THAP3: variants seen among roughly 807,000 people sequenced by gnomAD.
THAP3 encodes THAP domain-containing protein 3.
In THAP3, 12 loss-of-function variants were observed where a neutral mutation model predicts 17.7. The observed-to-expected ratio is 0.68, with a 90% CI of 0.43 to 1.10. The LOEUF is 1.10. Among genes scored for constraint, THAP3 ranks in the 50% least tolerant of loss-of-function variants. THAP3 has a pLI of 0.00. For missense variants in THAP3, 289 were observed against 318.0 expected, an observed-to-expected ratio of 0.91 and a Z score of 0.69; for synonymous variants, 133 against 126.9, an observed-to-expected ratio of 1.05 and a Z score of -0.32.
At chr1:6,625,789 C>T (rs1360714476) in intron 2 of THAP3, among the ~76,000 whole-genome samples, 2 of 152,018 alleles carry the variant, frequency 1.3e-5, no homozygotes, top group Non-Finnish European at 2.9e-5. Context: ...CGTCATTAGT[C>T]ACAGTTGCGC....
intron 2 of THAP3, chr1:6,628,217 G>A (rs1043139257): frequency 4.2e-5 from 17 of 400,628 alleles, no homozygotes; most frequent in Non-Finnish European, 5.4e-5. Flanking sequence ...TCCCTAGCAC[G>A]AAGAACAGGG....
intron 2 of THAP3, among the ~76,000 whole-genome samples, chr1:6,626,501 A>G (rs1641473782): frequency 6.6e-6 from 1 of 152,196 alleles, no homozygotes; most frequent in Non-Finnish European, 1.5e-5. Flanking sequence ...TTGTTCTACA[A>G]TTGAAGGGCA....
downstream of THAP3, chr1:6,634,130 C>G (rs752739023): frequency 1.3e-6 from 2 of 1,558,426 alleles, no homozygotes; most frequent in Non-Finnish European, 8.8e-7. Flanking sequence ...TCCCTCCCTC[C>G]TGAAGATGAA....
At chr1:6,628,405 G>A in intron 2 of THAP3, 94 bp from the exon 3 acceptor site, 3 of 1,011,214 alleles carry the variant, frequency 3.0e-6, no homozygotes, top group Non-Finnish European at 4.3e-6. Context: ...CAGCTGTCCA[G>A]GGAAGTACTC....
chr1:6,632,882 A>G lies in THAP3; in HGVS notation c.525A>G (p.Pro175=). 6.2e-7 allele frequency: 1 copy of G among 1,612,964 alleles called. No individual in the cohort carries two copies. The change falls in exon 6 of 6, where the codon CCA becomes CCG. Residue 175 remains proline (P), a synonymous_variant. Transcript: ENST00000054650. ...AGLRRTPNKQ[P]SDHSYALLDL... is the part of the protein sequence containing the mutation. ...TGAGAAGGACCCCCAACAAGCAGCC[A>G]TCTGATCACAGCTATGCCCTTTTGG... is the stretch of plus-strand genomic sequence containing the variant.
Position 6,633,455 on chromosome 1 carries a change from G to C in THAP3, c.*378G>C. ...TGTGAGGGGGCTGGCTCTGTGGCGG[G>C]TGAGTGGTCCCCTCCTCCATCAGCC... On this transcript the variant is annotated 3_prime_UTR_variant, in exon 6 of 6. Coordinates refer to ENST00000054650, the MANE Select transcript of THAP3 (RefSeq NM_001195753.2). 1 of 1,152,202 alleles carries C rather than the reference G, an allele frequency of 8.7e-7. No homozygotes were observed. The highest frequency in any genetic ancestry group is 1.1e-6 in the Non-Finnish European group (1 of 929,220). 71.4% of individuals were successfully genotyped at this position (1,152,202 alleles called of 1,614,324 possible).
intron 2 of THAP3, chr1:6,628,125 G>A (rs1258099738): frequency 2.0e-5 from 4 of 201,896 alleles, no homozygotes; most frequent in Admixed American, 1.1e-4. Context: ...AGAAGACACC[G>A]TCCACATCTG....
chr1:6,632,779 C>G lies in THAP3; in HGVS notation c.439-17C>G. ...TGCTGGTGATGCAGCTCTAGGCTCT[C>G]ACTCCCCTGTCCTCAGGTCTCGCCA... On this transcript the variant is annotated splice_polypyrimidine_tract_variant and intron_variant, in intron 5 of 5. Transcript: ENST00000054650. The G allele has an allele frequency of 6.2e-7, 1 of 1,612,462 alleles. No individual in the cohort carries two copies. Among genetic ancestry groups the G allele is most frequent in the South Asian group, 1.1e-5 (1 of 91,022 alleles).
chr1:6,630,643 C>T (rs963762826), intron 4 of THAP3, among the ~76,000 whole-genome samples: 1 of 152,076 alleles, frequency 6.6e-6, no homozygotes, highest in Non-Finnish European at 1.5e-5. Flanking sequence ...GGCATGATCT[C>T]GGCGCACTGC....
chr1:6,626,590 C>T (rs1041422089), intron 2 of THAP3, among the ~76,000 whole-genome samples: 2 of 152,248 alleles, frequency 1.3e-5, no homozygotes, highest in African/African-American at 4.8e-5. Context: ...GTAATCCCAG[C>T]ACTTTGGGAG....
chr1:6,631,652 C>T (rs1219038263), intron 4 of THAP3, among the ~76,000 whole-genome samples: 1 of 152,074 alleles, frequency 6.6e-6, no homozygotes, highest in Non-Finnish European at 1.5e-5. Flanking sequence ...CACCTGTAAT[C>T]CTAGCACTTT....
At chr1:6,627,012 T>C (rs187203447) in intron 2 of THAP3, among the ~76,000 whole-genome samples, 81 of 152,366 alleles carry the variant, frequency 5.3e-4, no homozygotes, top group African/African-American at 1.5e-3. Context: ...GTCACATCAC[T>C]AGTGAGCCTT....
chr1:6,631,866 G>C (rs767367130), intron 4 of THAP3, among the ~76,000 whole-genome samples: 35 of 151,720 alleles, frequency 2.3e-4, no homozygotes, highest in Non-Finnish European at 4.0e-4. Flanking sequence ...CAGCCTGGGT[G>C]AAAGAGTGAA....
At position 6,633,089 on chromosome 1, in the gene THAP3, T is replaced by C. The variant is rs1641673339; in HGVS notation, c.*12T>C. On this transcript the variant is annotated 3_prime_UTR_variant, in exon 6 of 6. Transcript: ENST00000054650. ...AGCAGCAGAGCTGAGCCCCACAGGC[T>C]CCGGACGCAGAGGTGGCAGTGGCAC... 1.3e-6 allele frequency: 2 copies of C among 1,586,124 alleles called. No homozygotes were observed. Among genetic ancestry groups the C allele is most frequent in the Non-Finnish European group, 1.7e-6 (2 of 1,167,288 alleles).
intron 4 of THAP3, among the ~76,000 whole-genome samples, chr1:6,631,079 G>A (rs1199921263): frequency 1.3e-5 from 2 of 151,714 alleles, no homozygotes; most frequent in African/African-American, 2.4e-5. Flanking sequence ...GTCATGGCTC[G>A]CAGCAGCCTC....
rs141076446 is a variant in THAP3, at chr1:6,632,467, C to T, written c.410C>T (p.Pro137Leu). 4 of 1,614,038 alleles carry T rather than the reference C, an allele frequency of 2.5e-6. No homozygotes were observed. Among genetic ancestry groups the T allele is most frequent in the African/African-American group, 1.3e-5 (1 of 74,940 alleles). The change falls in exon 5 of 6, where the codon CCC becomes CTC. Residue 137 changes from proline to leucine, a missense_variant. By Grantham distance (98) the Pro-to-Leu change is moderately conservative. Coordinates refer to ENST00000054650, the MANE Select transcript of THAP3 (RefSeq NM_001195753.2). ...MDTALEELQL[P>L]PNAEGHVKQV... ...ACTGCACTTGAAGAGCTTCAGTTGC[C>T]CCCAAATGCCGAAGGCCACGTAAAA...
chr1:6,633,909 T>A (rs2148723552), downstream of THAP3: 1 of 961,298 alleles, frequency 1.0e-6, no homozygotes, highest in African/African-American at 1.6e-5. Context: ...AGAGCGAGAC[T>A]CAGTCTGAAA....
chr1:6,634,918 G>A, downstream of THAP3: 1 of 1,168,806 alleles, frequency 8.6e-7, no homozygotes, highest in Non-Finnish European at 1.1e-6. Context: ...GGTGGTGCAG[G>A]CGGTGGAGGG....
Position 6,632,784 on chromosome 1 carries a change from C to T in THAP3, c.439-12C>T. On this transcript the variant is annotated splice_polypyrimidine_tract_variant and intron_variant, in intron 5 of 5. Coordinates refer to ENST00000054650, the MANE Select transcript of THAP3 (RefSeq NM_001195753.2). ...GTGATGCAGCTCTAGGCTCTCACTC[C>T]CCTGTCCTCAGGTCTCGCCACGGAG... The T allele has an allele frequency of 6.2e-7, 1 of 1,612,724 alleles. No individual in the cohort carries two copies. The highest frequency in any genetic ancestry group is 8.5e-7 in the Non-Finnish European group (1 of 1,179,822).
Sources: gnomAD v4.1 joint callset for allele counts (sites outside exome capture counted in the v4.1 genomes callset) on GRCh38, gnomAD v4.1.1 for gene constraint, MANE v1.5 for transcripts, NCBI Gene and HGNC (gene_info 2026-07-23, HGNC 2026-07-21) for gene names.